Variants in MAP2K3 observed in about 807,000 individuals in gnomAD.
MAP2K3 encodes dual specificity mitogen-activated protein kinase kinase 3.
A neutral mutation model predicts 46.4 loss-of-function variants in MAP2K3; 30 were observed. The ratio of observed to expected loss-of-function variants is 0.65; its 90% confidence interval spans 0.48 to 0.88. The LOEUF is 0.88. Among genes scored for constraint, MAP2K3 ranks in the 40% least tolerant of loss-of-function variants. The probability of loss-of-function intolerance (pLI) is 0.00; values close to 1 mark genes in which losing one functional copy is unlikely to be tolerated. For missense variants in MAP2K3, 380 were observed against 464.5 expected (o/e 0.82, Z 1.67); for synonymous variants, 189 against 176.3 (o/e 1.07, Z -0.57).
intron 2 of MAP2K3, among the ~76,000 whole-genome samples, 178 bp from the exon 3 acceptor site, chr17:21,298,700 G>A (rs957762085): frequency 6.6e-6 from 1 of 152,310 alleles, no homozygotes; most frequent in Non-Finnish European, 1.5e-5. Flanking sequence ...GCTCGATGAG[G>A]CCGTGCCCAG....
intron 1 of MAP2K3, chr17:21,291,861 A>T (rs1975957415): frequency 6.0e-6 from 2 of 332,670 alleles, no homozygotes; most frequent in Non-Finnish European, 5.9e-6. Context: ...CTTTGTCTTT[A>T]CAACTCCGGA....
intron 1 of MAP2K3, among the ~76,000 whole-genome samples, chr17:21,293,099 G>C (rs985501308): frequency 6.6e-6 from 1 of 152,304 alleles, no homozygotes; most frequent in East Asian, 1.9e-4. Flanking sequence ...ATGTTAGTGG[G>C]TGTTGTAGTG....
intron 11 of MAP2K3, chr17:21,313,921 GA>G: frequency 1.7e-6 from 1 of 594,092 alleles, no homozygotes; most frequent in Admixed American, 2.9e-5. Context: ...CGTGTGGGGG[GA>G]AAGGGAGGTT....
At chr17:21,311,782 G>C (rs1977174910) in intron 9 of MAP2K3, 1 of 185,198 alleles carries the variant, frequency 5.4e-6, no homozygotes, top group East Asian at 1.4e-4. Context: ...CCTGGCTCAT[G>C]AGGCTACGGC....
rs531148247 is a variant in MAP2K3, at chr17:21,285,092, C to T, written c.49+123C>T. The T allele has an allele frequency of 3.2e-4, 447 of 1,386,192 alleles. 2 individuals are homozygous for T. The highest frequency in any genetic ancestry group is 2.5e-3 in the South Asian group (183 of 73,818). The allele number at this position is 1,386,192 out of a possible 1,614,324, so 85.9% of individuals were successfully genotyped here. A position where few individuals can be genotyped will look rare whatever the true frequency, so the allele number is the denominator to read the frequency against. On this transcript the variant is annotated intron_variant, in intron 1 of 11. Transcript: ENST00000342679. ...TCGACCTGGCAGCGGCGTCCGGTCC[C>T]GGAACCCCTTCCTGTTCGGGGTCCC...
At position 21,304,421 on chromosome 17, in the gene MAP2K3, G is replaced by C; in HGVS notation, c.569-5G>C. 6.2e-7 allele frequency: 1 copy of C among 1,614,302 alleles called. No homozygotes were observed. The highest frequency in any genetic ancestry group is 8.5e-7 in the Non-Finnish European group (1 of 1,180,054). On this transcript the variant is annotated splice_polypyrimidine_tract_variant and splice_region_variant and intron_variant, in intron 7 of 11. Transcript: ENST00000342679. ...ACGTGGCTGAGGCATGTCCCTCCCT[G>C]GCAGATGTGAAGCCCTCCAATGTCC...
chr17:21,292,405 A>T (rs1287840271), intron 1 of MAP2K3, among the ~76,000 whole-genome samples: 2 of 134,874 alleles, frequency 1.5e-5, no homozygotes, highest in African/African-American at 5.1e-5. Context: ...TTTTTTTGAG[A>T]CAGTGTCTTG....
rs1001439000 is a variant in MAP2K3 at position 21,315,053 on chromosome 17, C to G, written c.*823C>G. 1 of 152,510 alleles carries G rather than the reference C, an allele frequency of 6.6e-6. No individual in the cohort carries two copies. Among genetic ancestry groups the G allele is most frequent in the Non-Finnish European group, 1.5e-5 (1 of 68,028 alleles). The allele number at this position is 152,510 out of a possible 1,614,324, so 9.4% of individuals were successfully genotyped here. On this transcript the variant is annotated 3_prime_UTR_variant, in exon 12 of 12. Transcript: ENST00000342679. Reference sequence around the variant, plus strand: ...TCTGCTCAGAGAAGTGCAGGGGGAGCCTTCCAGCTCACTCTCCCTGAGGAC... The same window carrying G: ...TCTGCTCAGAGAAGTGCAGGGGGAGGCTTCCAGCTCACTCTCCCTGAGGAC...
chr17:21,304,387 G>A lies in MAP2K3; in HGVS notation c.569-39G>A, dbSNP rs369565968. ...GAGCATGGCACCTGCCTCCAGTCGT[G>A]CTCCACAGACGTGGCTGAGGCATGT... is the stretch of plus-strand genomic sequence containing the variant. On this transcript the variant is annotated intron_variant, in intron 7 of 11. Coordinates refer to ENST00000342679, the MANE Select transcript of MAP2K3 (RefSeq NM_145109.3). 1.4e-5 allele frequency: 23 copies of A among 1,614,082 alleles called. No individual in the cohort carries two copies. The African/African-American group carries it at 2.4e-4, about 17-fold the overall frequency.
intron 1 of MAP2K3, among the ~76,000 whole-genome samples, chr17:21,288,657 C>G (rs944318192): frequency 9.8e-5 from 15 of 152,392 alleles, no homozygotes; most frequent in African/African-American, 3.6e-4. Context: ...CATGGCCCAG[C>G]TCTCAGAGGA....
At position 21,305,141 on chromosome 17, in the gene MAP2K3, G is replaced by T; in HGVS notation, c.774+13G>T. On this transcript the variant is annotated intron_variant, in intron 9 of 11. Transcript: ENST00000342679. The stretch of plus-strand genomic sequence containing the variant: ...GGGCATCACCATGGTACTGTGGGGG[G>T]CCAGGGCCTGCCCTTGGTGGTCAGG... The T allele has an allele frequency of 1.2e-6, 2 of 1,614,304 alleles. No individual in the cohort carries two copies. The highest frequency in any genetic ancestry group is 1.1e-5 in the South Asian group (1 of 91,090).
In MAP2K3 at chr17:21,314,480, C is replaced by T. The variant is rs944955404; in HGVS notation, c.*250C>T. On this transcript the variant is annotated 3_prime_UTR_variant, in exon 12 of 12. Coordinates refer to ENST00000342679, the MANE Select transcript of MAP2K3 (RefSeq NM_145109.3). ...TCTCCCTGCTGCTCCTAGGACCCGT[C>T]TCCAGCTGCTGAGATCCTGGACTGA... 55 of 532,626 alleles carry T rather than the reference C, an allele frequency of 1.0e-4. 1 individual carries two copies. The highest frequency in any genetic ancestry group is 4.9e-4 in the South Asian group (23 of 47,014). 33.0% of individuals were successfully genotyped at this position (532,626 alleles called of 1,614,324 possible).
At chr17:21,304,278 G>T in intron 7 of MAP2K3, 148 bp from the exon 8 acceptor site, 1 of 1,425,818 alleles carries the variant, frequency 7.0e-7, no homozygotes, top group Non-Finnish European at 9.7e-7. Flanking sequence ...TCTGACCCTT[G>T]GGACCCTGGT....
intron 9 of MAP2K3, among the ~76,000 whole-genome samples, chr17:21,307,845 C>CTTTTTTT (rs35690616): frequency 1.9e-5 from 2 of 104,764 alleles, no homozygotes; most frequent in African/African-American, 3.7e-5. Context: ...GCCCGGCTAT[C>CTTTTTTT]TTTTTTTTTT....
At chr17:21,299,134 C>G (rs2144553479) in intron 3 of MAP2K3, among the ~76,000 whole-genome samples, 1 of 152,426 alleles carries the variant, frequency 6.6e-6, no homozygotes, top group East Asian at 1.9e-4. Flanking sequence ...CCATCGGCTG[C>G]CTGACTGGAG....
intron 7 of MAP2K3, 82 bp from the exon 8 acceptor site, chr17:21,304,344 G>T (rs1024564447): frequency 6.2e-7 from 1 of 1,605,520 alleles, no homozygotes; most frequent in Non-Finnish European, 8.5e-7. Context: ...GGGCGAGGGA[G>T]GGGGGCACAG....
chr17:21,308,613 T>G (rs1977015964), intron 9 of MAP2K3, among the ~76,000 whole-genome samples: 1 of 152,290 alleles, frequency 6.6e-6, no homozygotes. Flanking sequence ...TTAAAATTTT[T>G]TTTTTTTGAG....
chr17:21,300,742 A>G lies in MAP2K3; in HGVS notation c.279+84A>G, dbSNP rs1202613941. 4 of 1,603,022 alleles carry G rather than the reference A, an allele frequency of 2.5e-6. No individual in the cohort carries two copies. In the African/African-American group the frequency reaches 4.0e-5, roughly 16 times the overall value. ...CCATGGGGCCCTGCCTATCCCTCTC[A>G]GTGATCAGTACCGAGGCTAGGCTTT... is the stretch of plus-strand genomic sequence containing the variant. On this transcript the variant is annotated intron_variant, in intron 4 of 11. Transcript: ENST00000342679.
rs755810709 is a variant in MAP2K3 at position 21,304,493 on chromosome 17, T to C, written c.636T>C (p.Ser212=). ...TGAAGATGTGTGACTTTGGCATCAG[T>C]GGCTACTTGGTGGACTCTGTGGCCA... ...GHVKMCDFGI[S]GYLVDSVAKT... The change falls in exon 8 of 12, where the codon AGT becomes AGC. Residue 212 remains serine (S), a synonymous_variant. Transcript: ENST00000342679. 36 of 1,614,308 alleles carry C rather than the reference T, an allele frequency of 2.2e-5. No homozygotes were observed. Among genetic ancestry groups the C allele is most frequent in the Non-Finnish European group, 3.1e-5 (36 of 1,180,050 alleles).
Sources: gnomAD v4.1 joint callset for allele counts (sites outside exome capture counted in the v4.1 genomes callset) on GRCh38, gnomAD v4.1.1 for gene constraint, MANE v1.5 for transcripts, NCBI Gene and HGNC (gene_info 2026-07-23, HGNC 2026-07-21) for gene names.